The following GRIP1 variants were observed in gnomAD, a reference collection of about 807,000 sequenced individuals.
GRIP1 encodes glutamate receptor-interacting protein 1.
In GRIP1, 45 loss-of-function variants were observed where a neutral mutation model predicts 129.9. The ratio of observed to expected loss-of-function variants is 0.35; its 90% CI spans 0.27 to 0.44. GRIP1 has a LOEUF of 0.44. Ranked by LOEUF, GRIP1 falls within the 20% of genes least tolerant of loss-of-function variation. The pLI is 1.00. For missense variants in GRIP1, 1,196 were observed against 1,396.8 expected (o/e 0.86, Z 2.29); for synonymous variants, 530 against 520.8 (o/e 1.02, Z -0.24).
At chr12:66,887,267 T>C (rs929467021) in intron 1 of GRIP1, among the ~76,000 whole-genome samples, 4 of 152,218 alleles carry the variant, frequency 2.6e-5, no homozygotes, top group African/African-American at 4.8e-5. Context: ...TGCTGAAGCA[T>C]AGAAATGTTT....
At chr12:67,036,691 A>G (rs1179444924) in intron 1 of GRIP1, among the ~76,000 whole-genome samples, 1 of 151,886 alleles carries the variant, frequency 6.6e-6, no homozygotes, top group Non-Finnish European at 1.5e-5. Flanking sequence ...CTTCACAATT[A>G]AATCTCTTTA....
chr12:66,766,545 G>T (rs1236786123), intron 1 of GRIP1, among the ~76,000 whole-genome samples: 1 of 152,212 alleles, frequency 6.6e-6, no homozygotes, highest in Non-Finnish European at 1.5e-5. Context: ...TCACCTTTGT[G>T]TTCTCAGCAC....
At chr12:66,370,334 A>G (rs538410067) in intron 23 of GRIP1, among the ~76,000 whole-genome samples, 1 of 152,220 alleles carries the variant, frequency 6.6e-6, no homozygotes, top group Non-Finnish European at 1.5e-5. Context: ...CTTTGAGTGA[A>G]TTAATGCACA....
In GRIP1 at chr12:66,889,675, T is replaced by C. The variant is rs1340979848; in HGVS notation, c.58+179375A>G. Among the ~76,000 whole-genome samples the C allele has an allele frequency of 2.6e-5, 4 of 152,322 alleles. No homozygotes were observed. The South Asian group carries it at 6.2e-4, about 24-fold the overall frequency. ...AAATTTTGATCAAAGTTAATATCAA[T>C]TTTCTTAAGCTCATAGTTTATTCTA... is the stretch of plus-strand genomic sequence containing the variant. On this transcript the variant is annotated intron_variant, in intron 1 of 1. Coordinates refer to the GRIP1 transcript ENST00000643019.
At position 67,050,533 on chromosome 12, in the gene GRIP1, A is replaced by G. The variant is rs114081512; in HGVS notation, c.58+18517T>C. On this transcript the variant is annotated intron_variant, in intron 1 of 1. Transcript: ENST00000643019. ...TTGGAAAAAAAAGAGCAGAGTTTAG[A>G]GGAAAGATTTTAATTAGAATAACAC... is the stretch of plus-strand genomic sequence containing the variant. 1.4e-4 allele frequency among the ~76,000 whole-genome samples: 21 copies of G among 152,336 alleles called. 1 individual carries two copies. Among genetic ancestry groups the G allele is most frequent in the African/African-American group, 5.0e-4 (21 of 41,590 alleles).
intron 1 of GRIP1, among the ~76,000 whole-genome samples, chr12:66,736,593 G>A (rs1209875665): frequency 6.6e-6 from 1 of 151,732 alleles, no homozygotes; most frequent in African/African-American, 2.4e-5. Flanking sequence ...GTAGGCTGAG[G>A]AGCAGGAGGA....
chr12:66,377,494 A>AT (rs372760716), intron 20 of GRIP1, among the ~76,000 whole-genome samples: 4,193 of 134,284 alleles, frequency 0.031, 141 homozygotes, highest in Admixed American at 0.1. Context: ...CGCCTGGCTA[A>AT]TTTTTTTTTT....
At chr12:67,000,299 A>G (rs542961031) in intron 1 of GRIP1, among the ~76,000 whole-genome samples, 1 of 152,092 alleles carries the variant, frequency 6.6e-6, no homozygotes, top group South Asian at 2.1e-4. Flanking sequence ...ATAAAAATCA[A>G]AGAATACCAT....
intron 1 of GRIP1, among the ~76,000 whole-genome samples, chr12:67,031,267 C>A (rs1321606507): frequency 5.9e-5 from 9 of 152,224 alleles, no homozygotes; most frequent in Non-Finnish European, 2.9e-5. Context: ...ATCCTCTACA[C>A]TGTAGAAGCC....
chr12:66,648,380 C>A (rs1483557472), intron 1 of GRIP1, among the ~76,000 whole-genome samples: 1 of 152,188 alleles, frequency 6.6e-6, no homozygotes, highest in African/African-American at 2.4e-5. Flanking sequence ...ACCAAATGAT[C>A]ACGAGAATAT....
intron 23 of GRIP1, among the ~76,000 whole-genome samples, chr12:66,360,118 C>T (rs1432901259): frequency 6.6e-6 from 1 of 152,004 alleles, no homozygotes; most frequent in African/African-American, 2.4e-5. Flanking sequence ...AATGCAGAAG[C>T]ACCAGGATTC....
intron 19 of GRIP1, among the ~76,000 whole-genome samples, chr12:66,385,264 G>A (rs191915051): frequency 1.6e-4 from 24 of 152,250 alleles, no homozygotes; most frequent in African/African-American, 4.8e-4. Flanking sequence ...GGCAGGGCAC[G>A]GTAGCTCATG....
At chr12:66,887,494 C>A (rs1314681898) in intron 1 of GRIP1, among the ~76,000 whole-genome samples, 1 of 152,142 alleles carries the variant, frequency 6.6e-6, no homozygotes, top group African/African-American at 2.4e-5. Context: ...AATGTTAGTA[C>A]TGTTATCATT....
chr12:66,808,515 T>C (rs539316713), upstream of GRIP1, among the ~76,000 whole-genome samples: 1 of 152,190 alleles, frequency 6.6e-6, no homozygotes, highest in Admixed American at 6.5e-5. Flanking sequence ...TTTTCACTGA[T>C]CTCAAACTCC....
intron 1 of GRIP1, among the ~76,000 whole-genome samples, chr12:67,027,809 G>C (rs2042961922): frequency 6.6e-6 from 1 of 152,206 alleles, no homozygotes; most frequent in Non-Finnish European, 1.5e-5. Context: ...TGGCGAGATG[G>C]AGGGGTCCAC....
chr12:66,846,043 G>T (rs775712436), intron 1 of GRIP1, among the ~76,000 whole-genome samples: 1 of 152,070 alleles, frequency 6.6e-6, no homozygotes, highest in Non-Finnish European at 1.5e-5. Context: ...TCTCATGCCC[G>T]CTATTCTCTT....
intron 1 of GRIP1, among the ~76,000 whole-genome samples, chr12:66,719,307 A>G (rs1002386772): frequency 2.0e-5 from 3 of 152,174 alleles, no homozygotes; most frequent in Non-Finnish European, 4.4e-5. Context: ...CAATGTGAAA[A>G]GAACTTTTTA....
rs183837965 is a variant in GRIP1 at position 66,541,045 on chromosome 12, C to G, written c.272+770G>C. 9.9e-5 allele frequency among the ~76,000 whole-genome samples: 15 copies of G among 151,996 alleles called. No individual in the cohort carries two copies. In the East Asian group the frequency reaches 1.4e-3, roughly 14 times the overall value. On this transcript the variant is annotated intron_variant, in intron 3 of 24. Coordinates refer to ENST00000359742, the MANE Select transcript of GRIP1 (RefSeq NM_001366722.1). ...GGTCAAGCTGGTCTCGAACTCCTGA[C>G]CTCAGGTGATTCACCTGCCTTGGCC...
chr12:66,783,014 T>A (rs116784094), intron 1 of GRIP1, among the ~76,000 whole-genome samples: 112 of 152,280 alleles, frequency 7.4e-4, no homozygotes, highest in African/African-American at 2.5e-3. Flanking sequence ...TTGCCATATT[T>A]CTCAGCTGAA....
Sources: allele counts gnomAD v4.1 joint callset (sites outside exome capture counted in the v4.1 genomes callset), GRCh38; gene constraint gnomAD v4.1.1; transcripts MANE v1.5; gene names NCBI Gene and HGNC (gene_info 2026-07-23, HGNC 2026-07-21).